The following ALDH4A1 variants were observed in gnomAD, a reference collection of about 807,000 sequenced individuals.
ALDH4A1 encodes delta-1-pyrroline-5-carboxylate dehydrogenase, mitochondrial.
ALDH4A1 carries 46 observed loss-of-function variants against 70.5 expected under a neutral mutation model. The observed-to-expected ratio is 0.65, with a 90% CI of 0.51 to 0.83. ALDH4A1 has a LOEUF of 0.83. Among genes scored for constraint, ALDH4A1 ranks in the 40% least tolerant of loss-of-function variants. The probability of loss-of-function intolerance (pLI) is 0.00; values close to 1 mark genes in which losing one functional copy is unlikely to be tolerated. For missense variants in ALDH4A1, 749 were observed against 766.5 expected (o/e 0.98, Z 0.27); for synonymous variants, 323 against 324.3 (o/e 1.00, Z 0.04).
At chr1:18,885,760 GC>G in intron 4 of ALDH4A1, 132 bp from the exon 5 acceptor site, 3 of 1,305,868 alleles carry the variant, frequency 2.3e-6, no homozygotes, top group Non-Finnish European at 3.2e-6. Context: ...TGGGCCCTCA[GC>G]CCCCTGCCAC....
At chr1:18,887,381 C>T (rs9426723) in intron 3 of ALDH4A1, among the ~76,000 whole-genome samples, 7,753 of 152,302 alleles carry the variant, frequency 0.051, 660 homozygotes, top group African/African-American at 0.18. Flanking sequence ...GGGCGGATCA[C>T]AAGGTCAGGA....
chr1:18,875,911 C>G (rs1306282085), intron 12 of ALDH4A1, among the ~76,000 whole-genome samples: 1 of 152,206 alleles, frequency 6.6e-6, no homozygotes, highest in Non-Finnish European at 1.5e-5. Flanking sequence ...CACACTCCAG[C>G]CCTGCACTAC....
intron 1 of ALDH4A1, 67 bp from the exon 2 acceptor site, chr1:18,890,172 C>A: frequency 7.4e-7 from 1 of 1,347,266 alleles, no homozygotes; most frequent in East Asian, 2.4e-5. Flanking sequence ...GACCCCAGCC[C>A]CTCTACCTCC....
rs1935699351 is a variant in ALDH4A1 at position 18,898,605 on chromosome 1, T to C, written c.62+3857A>G. Among the ~76,000 whole-genome samples, 1 of 152,206 alleles carries C rather than the reference T, an allele frequency of 6.6e-6. No individual in the cohort carries two copies. Among genetic ancestry groups the C allele is most frequent in the African/African-American group, 2.4e-5 (1 of 41,446 alleles). ...AGTGCTTTCCATGTATGAGACCATTTAACACGCAGGACAATCCTATGAGGT... is the reference window on the plus strand; with the variant it reads ...AGTGCTTTCCATGTATGAGACCATTCAACACGCAGGACAATCCTATGAGGT... On this transcript the variant is annotated intron_variant, in intron 1 of 14. Coordinates refer to ENST00000375341, the MANE Select transcript of ALDH4A1 (RefSeq NM_003748.4). The surrounding 1 kb of genome is among the most constrained non-coding windows in gnomAD (Gnocchi z 4.3).
rs773007638 is a variant in ALDH4A1 at position 18,872,841 on chromosome 1, G to A, written c.*4C>T. ...ACAGCTGGACGGTGGAGCCCGAGAGGGGCTCACTGCATGTACGCGTAGCTC... is the reference window on the plus strand; with the variant it reads ...ACAGCTGGACGGTGGAGCCCGAGAGAGGCTCACTGCATGTACGCGTAGCTC... On this transcript the variant is annotated 3_prime_UTR_variant, in exon 15 of 15. Coordinates refer to ENST00000375341, the MANE Select transcript of ALDH4A1 (RefSeq NM_003748.4). 5.0e-6 allele frequency: 8 copies of A among 1,611,676 alleles called. No individual in the cohort carries two copies. The highest frequency in any genetic ancestry group is 6.8e-6 in the Non-Finnish European group (8 of 1,178,426).
rs949396419 is a variant in ALDH4A1, at chr1:18,890,897, G to A, written c.63-792C>T. 6.1e-6 allele frequency: 6 copies of A among 985,326 alleles called. No individual in the cohort carries two copies. In the African/African-American group the frequency reaches 1.0e-4, roughly 17 times the overall value. 61.0% of individuals were successfully genotyped at this position (985,326 alleles called of 1,614,324 possible). ...AGCTGAGATCCCCTTGGCACAAAGG[G>A]CTGAGAGCTCTGGCTGGGCAGGAAT... On this transcript the variant is annotated intron_variant, in intron 1 of 14. Transcript: ENST00000375341.
At chr1:18,882,690 T>C in intron 7 of ALDH4A1, 2 of 552,370 alleles carry the variant, frequency 3.6e-6, no homozygotes, top group South Asian at 2.8e-5. Flanking sequence ...GAGGATGAAA[T>C]GAGATCATCT....
rs1041820683 is a variant in ALDH4A1, at chr1:18,899,813, C to T, written c.62+2649G>A. On this transcript the variant is annotated intron_variant, in intron 1 of 14. Transcript: ENST00000375341. ...TTATGGTGATTGTCCTGAGGCTGGC[C>T]GTGATAAATATCGATTGACAAGGAA... Among the ~76,000 whole-genome samples, 5 of 152,168 alleles carry T rather than the reference C, an allele frequency of 3.3e-5. 1 individual carries two copies. The highest frequency in any genetic ancestry group is 9.7e-5 in the African/African-American group (4 of 41,436).
chr1:18,887,659 T>G (rs1297170570), intron 3 of ALDH4A1, among the ~76,000 whole-genome samples: 2 of 151,762 alleles, frequency 1.3e-5, no homozygotes, highest in Non-Finnish European at 2.9e-5. Context: ...AACACCACGA[T>G]GACATCCCAC....
chr1:18,896,755 T>A (rs1455185343), intron 1 of ALDH4A1, among the ~76,000 whole-genome samples: 1 of 151,984 alleles, frequency 6.6e-6, no homozygotes, highest in Non-Finnish European at 1.5e-5. Flanking sequence ...TAGCTGGACA[T>A]GGTGGCACAT....
At chr1:18,878,401 C>T (rs1412316908) in intron 9 of ALDH4A1, among the ~76,000 whole-genome samples, 1 of 152,130 alleles carries the variant, frequency 6.6e-6, no homozygotes, top group Admixed American at 6.5e-5. Context: ...ACAGCTGACC[C>T]TGAGGAGCGC....
At chr1:18,879,071 C>A (rs909375647) in intron 9 of ALDH4A1, among the ~76,000 whole-genome samples, 1 of 152,220 alleles carries the variant, frequency 6.6e-6, no homozygotes, top group African/African-American at 2.4e-5. Context: ...GTCGCACAGG[C>A]CACCCTTCAA....
intron 3 of ALDH4A1, among the ~76,000 whole-genome samples, chr1:18,887,717 T>C (rs1935273866): frequency 6.6e-6 from 1 of 152,114 alleles, no homozygotes; most frequent in Admixed American, 6.5e-5. Flanking sequence ...ATCAATATCC[T>C]GCCAGGCAGC....
chr1:18,884,397 A>G lies in ALDH4A1; in HGVS notation c.454-969T>C, dbSNP rs541907795. 1.1e-4 allele frequency among the ~76,000 whole-genome samples: 16 copies of G among 152,256 alleles called. 1 individual carries two copies. In the East Asian group the frequency reaches 1.4e-3, roughly 13 times the overall value. On this transcript the variant is annotated intron_variant, in intron 5 of 14. Transcript: ENST00000375341. ...AAGCAGCCTGGGTTCTGGCTCCTGC[A>G]ATTTACCCTTCAGGAACCCAGGTTA...
intron 9 of ALDH4A1, among the ~76,000 whole-genome samples, chr1:18,878,697 T>C (rs1048759896): frequency 1.3e-5 from 2 of 152,202 alleles, no homozygotes; most frequent in East Asian, 1.9e-4. Context: ...AGATGTGCCA[T>C]GCGTATTAGA....
At chr1:18,884,208 G>C (rs535224843) in intron 5 of ALDH4A1, among the ~76,000 whole-genome samples, 1 of 152,182 alleles carries the variant, frequency 6.6e-6, no homozygotes, top group Non-Finnish European at 1.5e-5. Context: ...AGCAACGTGC[G>C]GCTCACCAGG....
intron 1 of ALDH4A1, 47 bp downstream of exon 1, chr1:18,902,415 G>A: frequency 7.7e-7 from 1 of 1,300,538 alleles, no homozygotes; most frequent in Non-Finnish European, 9.8e-7. Context: ...CAGGCTCCCG[G>A]GCCCCAGGCG....
At position 18,872,858 on chromosome 1, in the gene ALDH4A1, G is replaced by C; in HGVS notation, c.1679C>G (p.Ala560Gly). Residue 560 changes from alanine (A) to glycine (G), a missense_variant, in exon 15 of 15, where the codon GCG becomes GGG. Ala to Gly is a moderately conservative substitution (Grantham distance 60). Coordinates refer to ENST00000375341, the MANE Select transcript of ALDH4A1 (RefSeq NM_003748.4). ...CCCGAGAGGGGCTCACTGCATGTAC[G>C]CGTAGCTCCAGTCCCCCAGGGGCTT... is the stretch of plus-strand genomic sequence containing the variant. Reference protein sequence around the residue: ...THKPLGDWSYAYMQ With the variant: ...THKPLGDWSYGYMQ 1.4e-5 allele frequency: 22 copies of C among 1,613,758 alleles called. No individual in the cohort carries two copies. Among genetic ancestry groups the C allele is most frequent in the South Asian group, 4.4e-5 (4 of 91,072 alleles).
intron 1 of ALDH4A1, 86 bp from the exon 2 acceptor site, chr1:18,890,191 G>A (rs927247278): frequency 1.7e-6 from 2 of 1,154,322 alleles, no homozygotes; most frequent in African/African-American, 3.1e-5. Context: ...CCGACAGGGG[G>A]TCCTAGGTGG....
Sources: gnomAD v4.1 joint callset for allele counts (sites outside exome capture counted in the v4.1 genomes callset) on GRCh38, gnomAD v4.1.1 for gene constraint, Gnocchi (gnomAD v3.1) non-coding constraint, MANE v1.5 for transcripts, NCBI Gene and HGNC (gene_info 2026-07-23, HGNC 2026-07-21) for gene names.